The following FAM227A variants were observed in gnomAD, a reference collection of about 807,000 sequenced individuals.
The protein encoded by FAM227A is family with sequence similarity 227 member A, also known as protein FAM227A.
FAM227A carries 80 observed loss-of-function variants against 74.7 expected under a neutral mutation model. The observed-to-expected ratio is 1.07, with a 90% confidence interval of 0.89 to 1.29. The LOEUF (loss-of-function observed/expected upper bound fraction) is 1.29. Ranked by LOEUF, FAM227A falls within the 50% of genes most tolerant of loss-of-function variation. The pLI, the probability that FAM227A is intolerant of heterozygous loss-of-function variation, is 0.00. For missense variants in FAM227A, 654 were observed against 683.4 expected, an observed-to-expected ratio of 0.96 and a Z score of 0.48; for synonymous variants, 237 against 241.8, an observed-to-expected ratio of 0.98 and a Z score of 0.19.
chr22:38,647,233 G>A, intron 2 of FAM227A, among the ~76,000 whole-genome samples: 1 of 152,254 alleles, frequency 6.6e-6, no homozygotes, highest in South Asian at 2.1e-4. Flanking sequence ...GGGAGGCTGA[G>A]GCAGGTGGAT....
rs1183446618 is a variant in FAM227A at position 38,582,021 on chromosome 22, G to C, written c.*4104C>G. 2.1e-5 allele frequency: 5 copies of C among 239,818 alleles called. No individual in the cohort carries two copies. The highest frequency in any genetic ancestry group is 4.0e-5 in the Non-Finnish European group (5 of 124,370). The allele number at this position is 239,818 out of a possible 1,614,324, so 14.9% of individuals were successfully genotyped here. On this transcript the variant is annotated 3_prime_UTR_variant, in exon 17 of 17. Coordinates refer to ENST00000535113, the MANE Select transcript of FAM227A (RefSeq NM_001013647.2). ...GCCTTCCAAAGTGCTGGGATTACAG[G>C]TGTGAGCCACCATGCCTGGCCTGTT...
intron 14 of FAM227A, among the ~76,000 whole-genome samples, chr22:38,598,522 T>C (rs1238654698): frequency 3.3e-5 from 5 of 152,316 alleles, no homozygotes; most frequent in South Asian, 4.1e-4. Context: ...CACTATGAAA[T>C]GTGAGTTGTT....
intron 6 of FAM227A, among the ~76,000 whole-genome samples, chr22:38,631,723 C>T (rs1438993719): frequency 6.6e-6 from 1 of 151,996 alleles, no homozygotes; most frequent in African/African-American, 2.4e-5. Flanking sequence ...CTATGAGGCG[C>T]CTGGTGCCGG....
chr22:38,632,178 A>C (rs16999166), intron 6 of FAM227A, among the ~76,000 whole-genome samples: 6,721 of 152,238 alleles, frequency 0.044, 244 homozygotes, highest in East Asian at 0.11. Context: ...GGGAGTCTGC[A>C]GTGTAGTGAA....
intron 2 of FAM227A, 111 bp from the exon 3 acceptor site, chr22:38,645,756 T>A: frequency 1.5e-6 from 1 of 645,722 alleles, no homozygotes. Flanking sequence ...TCTCCTTAAT[T>A]ATTTTCTTTG....
chr22:38,644,274 G>A (rs9607557), intron 3 of FAM227A, among the ~76,000 whole-genome samples: 56,504 of 148,794 alleles, frequency 0.38, 11,281 homozygotes, highest in African/African-American at 0.49. Flanking sequence ...GTAAAACTGG[G>A]GAGAGTAAAA....
intron 5 of FAM227A, among the ~76,000 whole-genome samples, chr22:38,637,169 G>A (rs1163939391): frequency 6.6e-6 from 1 of 152,170 alleles, no homozygotes; most frequent in Non-Finnish European, 1.5e-5. Context: ...GTTCTAAGAA[G>A]TAAAATATAT....
chr22:38,582,060 AG>A lies in FAM227A; in HGVS notation c.*4064del. Reference sequence around the variant, plus strand: ...GCCTGGCCTGTTCGTTTTTTAACAAAGCTTTATCGAAGTATAATTGACATAT... The same window carrying A: ...GCCTGGCCTGTTCGTTTTTTAACAAACTTTATCGAAGTATAATTGACATAT... On this transcript the variant is annotated 3_prime_UTR_variant, in exon 17 of 17. Coordinates refer to ENST00000535113, the MANE Select transcript of FAM227A (RefSeq NM_001013647.2). 3.1e-6 allele frequency: 1 copy of A among 320,452 alleles called. No homozygotes were observed. Among genetic ancestry groups the A allele is most frequent in the Non-Finnish European group, 5.7e-6 (1 of 175,166 alleles). 19.9% of individuals were successfully genotyped at this position (320,452 alleles called of 1,614,324 possible). A position where few individuals can be genotyped will look rare whatever the true frequency, so the allele number is the denominator to read the frequency against.
chr22:38,599,433 C>T (rs147662689), intron 14 of FAM227A, among the ~76,000 whole-genome samples: 193 of 152,214 alleles, frequency 1.3e-3, no homozygotes, highest in Non-Finnish European at 2.2e-3. Flanking sequence ...CTGGGGTCAA[C>T]GAGTGTCTGG....
chr22:38,608,023 GA>G (rs2091323736), intron 11 of FAM227A, among the ~76,000 whole-genome samples: 1 of 152,006 alleles, frequency 6.6e-6, no homozygotes, highest in South Asian at 2.1e-4. Flanking sequence ...AAGCATCCCC[GA>G]TTTGTTATAG....
At chr22:38,636,767 TTTC>T (rs1217161082) in intron 5 of FAM227A, among the ~76,000 whole-genome samples, 170 bp from the exon 6 acceptor site, 1 of 127,508 alleles carries the variant, frequency 7.8e-6, no homozygotes, top group African/African-American at 3.5e-5. Context: ...ATCTACATTA[TTTC>T]TTTTTTTTTT....
At chr22:38,601,222 G>A (rs1187633787) in intron 13 of FAM227A, among the ~76,000 whole-genome samples, 1 of 152,110 alleles carries the variant, frequency 6.6e-6, no homozygotes, top group Non-Finnish European at 1.5e-5. Flanking sequence ...ATCAGGCCAG[G>A]GTATGGAGAG....
At chr22:38,635,145 T>C (rs572559015) in intron 6 of FAM227A, among the ~76,000 whole-genome samples, 2 of 146,432 alleles carry the variant, frequency 1.4e-5, no homozygotes, top group South Asian at 4.2e-4. Flanking sequence ...GGGAATCGCC[T>C]GAATCAGGGA....
In FAM227A at chr22:38,599,845, T is replaced by C. The variant is rs2091133369; in HGVS notation, c.1298A>G (p.Tyr433Cys). The change falls in exon 14 of 17, where the codon TAC (tyrosine) becomes TGC (cysteine). Residue 433 changes from tyrosine (Y) to cysteine (C), a missense_variant. By Grantham distance (194) the Tyr-to-Cys change is radical (BLOSUM62 -2). Transcript: ENST00000535113. ...NIYGKSPLIV[Y>C]FLQNYASLQQ... ...CAGACTGGCATAGTTCTGGAGAAAG[T>C]ACACAATCAGAGGGCTCTTCCCATA... The C allele has an allele frequency of 6.4e-7, 1 of 1,551,588 alleles. No individual in the cohort carries two copies. The highest frequency in any genetic ancestry group is 8.7e-7 in the Non-Finnish European group (1 of 1,146,978).
At chr22:38,611,893 C>G (rs1026541268) in intron 11 of FAM227A, among the ~76,000 whole-genome samples, 3 of 152,148 alleles carry the variant, frequency 2.0e-5, no homozygotes, top group Non-Finnish European at 4.4e-5. Context: ...CAAAGTTGAA[C>G]TCTTGATAGC....
intron 13 of FAM227A, among the ~76,000 whole-genome samples, chr22:38,600,829 G>A (rs951314398): frequency 4.6e-5 from 7 of 151,876 alleles, no homozygotes; most frequent in Admixed American, 2.6e-4. Context: ...GCATGCGCCT[G>A]TAGTCCCAGC....
At chr22:38,647,153 ATAAAT>A (rs374346259) in intron 2 of FAM227A, among the ~76,000 whole-genome samples, 11,038 of 128,038 alleles carry the variant, frequency 0.086, 541 homozygotes, top group Non-Finnish European at 0.12. Context: ...CATCTCAAAA[ATAAAT>A]AAAATAAAAC....
At chr22:38,611,327 T>C (rs1281337321) in intron 11 of FAM227A, among the ~76,000 whole-genome samples, 2 of 151,996 alleles carry the variant, frequency 1.3e-5, no homozygotes. Flanking sequence ...TACTATGAGA[T>C]ACAATCTAGG....
At chr22:38,588,348 G>A (rs2090852583) in intron 16 of FAM227A, among the ~76,000 whole-genome samples, 1 of 152,170 alleles carries the variant, frequency 6.6e-6, no homozygotes, top group Non-Finnish European at 1.5e-5. Flanking sequence ...GCCAGGCGCG[G>A]TGGCTCATGC....
Sources: allele counts gnomAD v4.1 joint callset (sites outside exome capture counted in the v4.1 genomes callset), GRCh38; gene constraint gnomAD v4.1.1; transcripts MANE v1.5; gene names NCBI Gene and HGNC (gene_info 2026-07-23, HGNC 2026-07-21).